Variants in VAV1 observed in about 807,000 individuals in gnomAD.
VAV1 encodes the protein proto-oncogene vav.
A neutral mutation model predicts 128.1 loss-of-function variants in VAV1; 33 were observed. The ratio of observed to expected loss-of-function variants is 0.26; its 90% CI spans 0.20 to 0.34. VAV1 has a LOEUF of 0.34. Among genes scored for constraint, VAV1 ranks in the 10% least tolerant of loss-of-function variants. VAV1 has a pLI of 1.00. For synonymous variants in VAV1, 394 were observed against 409.8 expected (o/e 0.96, Z 0.47); for missense variants, 715 against 1,093.7 (o/e 0.65, Z 4.88).
chr19:6,800,076 T>C (rs898717179), intron 1 of VAV1, among the ~76,000 whole-genome samples: 2 of 151,822 alleles, frequency 1.3e-5, no homozygotes, highest in Non-Finnish European at 2.9e-5. Context: ...GGCGGGAGGA[T>C]TGCTGGAGCC....
chr19:6,774,722 A>G (rs1262716042), intron 1 of VAV1, among the ~76,000 whole-genome samples: 1 of 151,174 alleles, frequency 6.6e-6, no homozygotes, highest in Non-Finnish European at 1.5e-5. Context: ...GGTGTGAGCC[A>G]CTGTGCCCGG....
At chr19:6,824,532 AT>A (rs372708502) in intron 6 of VAV1, among the ~76,000 whole-genome samples, 23 of 146,950 alleles carry the variant, frequency 1.6e-4, no homozygotes, top group African/African-American at 4.7e-4. Context: ...GATGGACCAC[AT>A]TTTTTTTTTC....
chr19:6,803,859 C>T (rs1207882000), intron 1 of VAV1, among the ~76,000 whole-genome samples: 2 of 152,082 alleles, frequency 1.3e-5, no homozygotes, highest in South Asian at 4.2e-4. Flanking sequence ...GCCACTGCTC[C>T]CAGCGCAGAC....
chr19:6,796,928 T>C (rs1038316581), intron 1 of VAV1, among the ~76,000 whole-genome samples: 1 of 152,136 alleles, frequency 6.6e-6, no homozygotes, highest in East Asian at 1.9e-4. Context: ...GGGTGTATAG[T>C]AGGTGCTCAA....
At position 6,820,941 on chromosome 19, in the gene VAV1, G is replaced by A. The variant is rs990972081; in HGVS notation, c.321+123G>A. On this transcript the variant is annotated intron_variant, in intron 2 of 26. Transcript: ENST00000602142. This position sits in a 1 kb window ranked among gnomAD's most constrained non-coding sequence, Gnocchi z 4.4. ...AGCCAGACCAGGCCATATACAAGACGCAAATAGCACTGGCTTGGGATATGT... is the reference window on the plus strand; with the variant it reads ...AGCCAGACCAGGCCATATACAAGACACAAATAGCACTGGCTTGGGATATGT... 9 of 832,420 alleles carry A rather than the reference G, an allele frequency of 1.1e-5. No individual in the cohort carries two copies. Among genetic ancestry groups the A allele is most frequent in the Non-Finnish European group, 1.6e-5 (8 of 502,542 alleles). The allele number at this position is 832,420 out of a possible 1,614,324, so 51.6% of individuals were successfully genotyped here.
chr19:6,778,797 C>A (rs1258576178), intron 1 of VAV1, among the ~76,000 whole-genome samples: 2 of 151,974 alleles, frequency 1.3e-5, no homozygotes, highest in African/African-American at 4.8e-5. Context: ...AATCCCAGCA[C>A]TTTGGGAGGC....
intron 1 of VAV1, among the ~76,000 whole-genome samples, chr19:6,819,411 A>C (rs910975785): frequency 6.6e-6 from 1 of 152,212 alleles, no homozygotes; most frequent in Admixed American, 6.5e-5. Context: ...TTGATCTTGG[A>C]CTTCTAGTCT....
chr19:6,815,660 G>C (rs1971629426), intron 1 of VAV1, among the ~76,000 whole-genome samples: 1 of 152,196 alleles, frequency 6.6e-6, no homozygotes, highest in Admixed American at 6.5e-5. Context: ...CACAGCTATG[G>C]CATAATGGTT....
rs71177123 is a variant in VAV1 at position 6,844,063 on chromosome 19, C to CTTTTTTTTTTTTTTTTTTTTTTTTT, written c.2012+914_2012+938dup. On this transcript the variant is annotated intron_variant, in intron 22 of 26. Coordinates refer to ENST00000602142, the MANE Select transcript of VAV1 (RefSeq NM_005428.4). ...ACTTTCTTCTTTTCTTCTTCTTCTT[C>CTTTTTTTTTTTTTTTTTTTTTTTTT]TTTTTTTTTTTTTTTTTTTTTTTTT... Among the ~76,000 whole-genome samples, 38 of 21,326 alleles carry CTTTTTTTTTTTTTTTTTTTTTTTTT rather than the reference C, an allele frequency of 1.8e-3. 15 individuals are homozygous for CTTTTTTTTTTTTTTTTTTTTTTTTT. The highest frequency in any genetic ancestry group is 9.0e-3 in the East Asian group (4 of 446). The allele number at this position is 21,326 out of a possible 152,430, so 14.0% of individuals were successfully genotyped here.
At chr19:6,792,732 G>A (rs899527400) in intron 1 of VAV1, among the ~76,000 whole-genome samples, 1 of 151,856 alleles carries the variant, frequency 6.6e-6, no homozygotes, top group Non-Finnish European at 1.5e-5. Flanking sequence ...TAACTAAGGG[G>A]TGGTGTGGGG....
intron 1 of VAV1, among the ~76,000 whole-genome samples, chr19:6,812,780 A>G (rs183576711): frequency 6.6e-6 from 1 of 152,222 alleles, no homozygotes; most frequent in East Asian, 1.9e-4. Flanking sequence ...TATTGTGGTA[A>G]TGATGGTGGT....
At chr19:6,848,683 G>A (rs934876481) in intron 23 of VAV1, among the ~76,000 whole-genome samples, 37 of 151,840 alleles carry the variant, frequency 2.4e-4, no homozygotes, top group Non-Finnish European at 2.1e-4. Flanking sequence ...GATTACAGGC[G>A]TGAGCCATCG....
chr19:6,795,864 T>C (rs1329740463), intron 1 of VAV1, among the ~76,000 whole-genome samples: 2 of 152,138 alleles, frequency 1.3e-5, no homozygotes, highest in Non-Finnish European at 2.9e-5. Flanking sequence ...TTGTTATTTT[T>C]AGTAGAGACA....
rs2144687814 is a variant in VAV1, at chr19:6,777,397, T to C, written c.204+4386T>C. Among the ~76,000 whole-genome samples the C allele has an allele frequency of 6.6e-6, 1 of 152,198 alleles. No homozygotes were observed. The highest frequency in any genetic ancestry group is 2.4e-5 in the African/African-American group (1 of 41,516). On this transcript the variant is annotated intron_variant, in intron 1 of 26. Transcript: ENST00000602142. This position sits in a 1 kb window ranked among gnomAD's most constrained non-coding sequence, Gnocchi z 4.4. Reference sequence around the variant, plus strand: ...GAGCCTGCATTCTAGTGGGGGAGGCTGACAGTGAAGAAATAAGACAATGTA... The same window carrying C: ...GAGCCTGCATTCTAGTGGGGGAGGCCGACAGTGAAGAAATAAGACAATGTA...
chr19:6,857,169 G>T lies in VAV1; in HGVS notation c.*62G>T. Reference sequence around the variant, plus strand: ...GCTCTGAGCCCGGCGTGGGCAGGCAGCGGAGCCAGGGGCTGTGACAGCTCC... The same window carrying T: ...GCTCTGAGCCCGGCGTGGGCAGGCATCGGAGCCAGGGGCTGTGACAGCTCC... On this transcript the variant is annotated 3_prime_UTR_variant, in exon 27 of 27. Coordinates refer to ENST00000602142, the MANE Select transcript of VAV1 (RefSeq NM_005428.4). 6.2e-7 allele frequency: 1 copy of T among 1,609,108 alleles called. No individual in the cohort carries two copies.
rs547134456 is a variant in VAV1, at chr19:6,810,938, C to T, written c.205-9764C>T. On this transcript the variant is annotated intron_variant, in intron 1 of 26. Transcript: ENST00000602142. ...CAGCTGTAAGCAAAGAAATGGATTGCAATGAAAAGGCATGCTTTCAACTGT... is the reference window on the plus strand; with the variant it reads ...CAGCTGTAAGCAAAGAAATGGATTGTAATGAAAAGGCATGCTTTCAACTGT... Among the ~76,000 whole-genome samples the T allele has an allele frequency of 1.3e-4, 20 of 152,246 alleles. No homozygotes were observed. The East Asian group carries it at 3.3e-3, about 25-fold the overall frequency.
intron 1 of VAV1, among the ~76,000 whole-genome samples, chr19:6,817,426 A>G (rs1349008618): frequency 6.6e-6 from 1 of 151,954 alleles, no homozygotes; most frequent in Non-Finnish European, 1.5e-5. Context: ...TGTCAGAATC[A>G]CCTGAGGAGA....
chr19:6,775,466 C>T (rs922206124), intron 1 of VAV1, among the ~76,000 whole-genome samples: 27 of 152,170 alleles, frequency 1.8e-4, no homozygotes, highest in African/African-American at 5.1e-4. Context: ...CAGGGAACAA[C>T]GGGAACCCAG....
chr19:6,853,048 G>T lies in VAV1; in HGVS notation c.2301G>T (p.Glu767Asp). The T allele has an allele frequency of 6.2e-7, 1 of 1,611,582 alleles. No homozygotes were observed. The highest frequency in any genetic ancestry group is 1.1e-5 in the South Asian group (1 of 91,060). ...CCACCTTGCAGTTCCCCTTCAAGGA[G>T]CCTGAAAAGAGAACCATCAGCAGGC... ...LDTTLQFPFKEPEKRTISRPA... is the reference protein window; with the variant it reads ...LDTTLQFPFKDPEKRTISRPA... The change falls in exon 25 of 27, where the codon GAG becomes GAT. Residue 767 changes from glutamate to aspartate, a missense_variant. Glu to Asp is a conservative substitution (Grantham distance 45, BLOSUM62 2). Coordinates refer to ENST00000602142, the MANE Select transcript of VAV1 (RefSeq NM_005428.4).
Sources: allele counts gnomAD v4.1 joint callset (sites outside exome capture counted in the v4.1 genomes callset), GRCh38; gene constraint gnomAD v4.1.1; non-coding constraint Gnocchi (gnomAD v3.1); transcripts MANE v1.5; gene names NCBI Gene and HGNC (gene_info 2026-07-23, HGNC 2026-07-21).